Variants in ARSG observed in about 807,000 individuals in gnomAD.
The protein encoded by ARSG is arylsulfatase G, also known as ASG.
In ARSG, 37 loss-of-function variants were observed where a neutral mutation model predicts 50.5. The ratio of observed to expected loss-of-function variants is 0.73; its 90% CI spans 0.56 to 0.96. The LOEUF (loss-of-function observed/expected upper bound fraction) is 0.96. Among genes scored for constraint, ARSG ranks in the 50% least tolerant of loss-of-function variants. ARSG has a pLI of 0.00. For missense variants in ARSG, 629 were observed against 675.3 expected (o/e 0.93, Z 0.76); for synonymous variants, 225 against 254.6 (o/e 0.88, Z 1.11).
intron 11 of ARSG, among the ~76,000 whole-genome samples, chr17:68,416,597 C>T (rs2082379063): frequency 6.6e-6 from 1 of 152,184 alleles, no homozygotes; most frequent in Non-Finnish European, 1.5e-5. Context: ...TCCTCAGGAA[C>T]ACCAATTATT....
intron 11 of ARSG, among the ~76,000 whole-genome samples, chr17:68,410,608 G>A (rs1056724381): frequency 7.9e-5 from 12 of 152,266 alleles, no homozygotes; most frequent in African/African-American, 2.9e-4. Flanking sequence ...TCTCTGCCTG[G>A]CTTTGGTATC....
At chr17:68,265,186 G>A (rs1169143480) in intron 1 of ARSG, among the ~76,000 whole-genome samples, 2 of 149,908 alleles carry the variant, frequency 1.3e-5, no homozygotes, top group Non-Finnish European at 3.0e-5. Context: ...AAAAGAAAAC[G>A]TAATTAACAA....
chr17:68,270,821 T>A, intron 1 of ARSG: 3 of 1,573,872 alleles, frequency 1.9e-6, no homozygotes, highest in Non-Finnish European at 1.7e-6. Context: ...GTGTTTGTAT[T>A]TTGTGTATTT....
intron 1 of ARSG, among the ~76,000 whole-genome samples, chr17:68,282,525 G>A (rs1422881467): frequency 2.0e-5 from 3 of 151,640 alleles, no homozygotes; most frequent in South Asian, 2.1e-4. Flanking sequence ...AGGACCAGGC[G>A]CAGTGGCTCA....
chr17:68,336,175 A>C (rs1050490116), intron 2 of ARSG, among the ~76,000 whole-genome samples: 1 of 151,464 alleles, frequency 6.6e-6, no homozygotes, highest in Non-Finnish European at 1.5e-5. Flanking sequence ...CTGGGATTAC[A>C]GGTGTCAGCC....
rs149689813 is a variant in ARSG, at chr17:68,317,535, G to A, written c.218+9824G>A. Among the ~76,000 whole-genome samples the A allele has an allele frequency of 5.5e-3, 839 of 151,662 alleles. 6 individuals carry two copies. Among genetic ancestry groups the A allele is most frequent in the African/African-American group, 0.018 (745 of 41,348 alleles). On this transcript the variant is annotated intron_variant, in intron 2 of 11. Transcript: ENST00000621439. ...AGCAAACATCTCTTTATCAGAGGGC[G>A]TTGTCGTTTAGGGCCCCCAGTGTTG...
At chr17:68,265,102 G>A (rs535158639) in intron 1 of ARSG, among the ~76,000 whole-genome samples, 35 of 147,252 alleles carry the variant, frequency 2.4e-4, no homozygotes, top group African/African-American at 6.5e-4. Flanking sequence ...TGCAGTGAGC[G>A]GAGATCACGC....
At chr17:68,293,869 C>T (rs558668095) in intron 1 of ARSG, among the ~76,000 whole-genome samples, 10 of 152,150 alleles carry the variant, frequency 6.6e-5, no homozygotes, top group Non-Finnish European at 1.3e-4. Context: ...AAAAAAGTCA[C>T]GCAACATGAC....
chr17:68,343,488 T>G, intron 2 of ARSG, 116 bp from the exon 3 acceptor site: 1 of 1,059,448 alleles, frequency 9.4e-7, no homozygotes, highest in Non-Finnish European at 1.3e-6. Context: ...GTTCCATGAC[T>G]GGGTGATCTT....
intron 9 of ARSG, among the ~76,000 whole-genome samples, chr17:68,387,622 T>TTG (rs2080791971): frequency 6.6e-6 from 1 of 152,210 alleles, no homozygotes; most frequent in Non-Finnish European, 1.5e-5. Flanking sequence ...CAGAGAATGG[T>TTG]ACTATGATCC....
At chr17:68,277,170 C>G (rs373933565) in intron 1 of ARSG, among the ~76,000 whole-genome samples, 1 of 151,854 alleles carries the variant, frequency 6.6e-6, no homozygotes, top group Admixed American at 6.6e-5. Flanking sequence ...CTCACACTGT[C>G]GCCCAGGCTG....
chr17:68,398,951 C>G (rs1256070596), intron 10 of ARSG, among the ~76,000 whole-genome samples: 1 of 152,214 alleles, frequency 6.6e-6, no homozygotes, highest in African/African-American at 2.4e-5. Context: ...AACCAAAGGT[C>G]CCACTTTGTG....
intron 2 of ARSG, among the ~76,000 whole-genome samples, chr17:68,315,444 T>C (rs1444533005): frequency 6.6e-6 from 1 of 152,066 alleles, no homozygotes; most frequent in African/African-American, 2.4e-5. Flanking sequence ...GGAGGATTGC[T>C]TGAGCCCAGG....
the ARSG span, among the ~76,000 whole-genome samples, chr17:68,447,704 G>C: frequency 1.3e-5 from 2 of 152,120 alleles, no homozygotes; most frequent in Admixed American, 6.5e-5. Context: ...AGAAAAAAGG[G>C]ATTTGGGGCC....
At chr17:68,451,577 T>C in the ARSG span, among the ~76,000 whole-genome samples, 1 of 152,224 alleles carries the variant, frequency 6.6e-6, no homozygotes, top group Non-Finnish European at 1.5e-5. Flanking sequence ...TTTGGAATAT[T>C]TGAACAATTT....
chr17:68,335,001 T>C (rs979558134), intron 2 of ARSG, among the ~76,000 whole-genome samples: 1 of 152,092 alleles, frequency 6.6e-6, no homozygotes, highest in African/African-American at 2.4e-5. Flanking sequence ...TTATTATTTA[T>C]TTATTTATTT....
intron 9 of ARSG, among the ~76,000 whole-genome samples, chr17:68,390,046 G>T (rs2080920893): frequency 6.6e-6 from 1 of 152,096 alleles, no homozygotes; most frequent in Admixed American, 6.5e-5. Flanking sequence ...GGAGTGCAAT[G>T]ATGTGATCTC....
In ARSG at chr17:68,329,404, C is replaced by A. The variant is rs553555135; in HGVS notation, c.219-14200C>A. Among the ~76,000 whole-genome samples, 15 of 152,306 alleles carry A rather than the reference C, an allele frequency of 9.8e-5. No individual in the cohort carries two copies. In the South Asian group the frequency reaches 3.1e-3, roughly 32 times the overall value. On this transcript the variant is annotated intron_variant, in intron 2 of 11. Transcript: ENST00000621439. ...TTGTGCCCCTTTCCAAGGACCTCCA[C>A]TGAGGCTGGCAGTGGAGGGCTGTCT... is the stretch of plus-strand genomic sequence containing the variant.
downstream of ARSG, chr17:68,421,141 C>T (rs145932475): frequency 3.6e-4 from 56 of 154,806 alleles, no homozygotes; most frequent in East Asian, 8.2e-3. Flanking sequence ...TCAGAGCAGA[C>T]GAGTCCATGG....
Sources: gnomAD v4.1 joint callset for allele counts (sites outside exome capture counted in the v4.1 genomes callset) on GRCh38, gnomAD v4.1.1 for gene constraint, MANE v1.5 for transcripts, NCBI Gene and HGNC (gene_info 2026-07-23, HGNC 2026-07-21) for gene names.